Variants in GRID1 observed in about 807,000 individuals in gnomAD.
The protein encoded by GRID1 is glutamate ionotropic receptor delta type subunit 1.
GRID1 carries 28 observed loss-of-function variants against 98.0 expected under a neutral mutation model. The ratio of observed to expected loss-of-function variants is 0.29; its 90% CI spans 0.21 to 0.39. GRID1 has a LOEUF of 0.39. Ranked by LOEUF, GRID1 falls within the 10% of genes least tolerant of loss-of-function variation. The probability of loss-of-function intolerance (pLI) is 1.00; values close to 1 mark genes in which losing one functional copy is unlikely to be tolerated. For missense variants in GRID1, 1,111 were observed against 1,340.5 expected (o/e 0.83, Z 2.67); for synonymous variants, 553 against 538.5 (o/e 1.03, Z -0.37).
intron 4 of GRID1, among the ~76,000 whole-genome samples, chr10:85,946,149 G>T (rs934277632): frequency 3.9e-5 from 6 of 152,116 alleles, no homozygotes; most frequent in African/African-American, 1.4e-4. Flanking sequence ...TAAGCACTTT[G>T]CCAAAAGATC....
At chr10:86,050,605 A>G (rs1483342445) in intron 4 of GRID1, among the ~76,000 whole-genome samples, 1 of 152,216 alleles carries the variant, frequency 6.6e-6, no homozygotes, top group Non-Finnish European at 1.5e-5. Context: ...CCAGATAGCA[A>G]GATAAAATAC....
chr10:85,921,927 C>T (rs540268886), intron 4 of GRID1, among the ~76,000 whole-genome samples: 68 of 152,314 alleles, frequency 4.5e-4, no homozygotes, highest in African/African-American at 1.5e-3. Flanking sequence ...AACCCACACA[C>T]CTCATTTACT....
chr10:86,260,720 T>C (rs1847003090), intron 2 of GRID1, among the ~76,000 whole-genome samples: 1 of 152,084 alleles, frequency 6.6e-6, no homozygotes, highest in Non-Finnish European at 1.5e-5. Flanking sequence ...TGAGCCTGAT[T>C]GGGAATGAGA....
At chr10:85,947,700 G>T (rs1339079855) in intron 4 of GRID1, among the ~76,000 whole-genome samples, 1 of 152,202 alleles carries the variant, frequency 6.6e-6, no homozygotes, top group Non-Finnish European at 1.5e-5. Context: ...CACCAAATCT[G>T]CTGAGAAGAG....
At chr10:86,094,917 G>T (rs12355333) in intron 4 of GRID1, among the ~76,000 whole-genome samples, 21,702 of 151,876 alleles carry the variant, frequency 0.14, 1,653 homozygotes, top group Non-Finnish European at 0.17. Context: ...AACAAATCTG[G>T]AGGCATCACA....
At chr10:86,054,605 T>C (rs1445761163) in intron 4 of GRID1, among the ~76,000 whole-genome samples, 1 of 152,238 alleles carries the variant, frequency 6.6e-6, no homozygotes, top group African/African-American at 2.4e-5. Flanking sequence ...GGCCCCTGGC[T>C]GCATAAAGTG....
At chr10:86,353,123 C>T (rs1848484681) in intron 2 of GRID1, among the ~76,000 whole-genome samples, 1 of 152,152 alleles carries the variant, frequency 6.6e-6, no homozygotes, top group African/African-American at 2.4e-5. Flanking sequence ...CTGAGGATAC[C>T]ACAGGGAACA....
intron 2 of GRID1, among the ~76,000 whole-genome samples, chr10:86,224,668 C>T (rs538937873): frequency 6.6e-6 from 1 of 152,328 alleles, no homozygotes; most frequent in South Asian, 2.1e-4. Context: ...AGGAGACAGC[C>T]AGCTGCTATC....
At chr10:85,636,534 A>C (rs376518208) in intron 13 of GRID1, among the ~76,000 whole-genome samples, 2 of 152,230 alleles carry the variant, frequency 1.3e-5, no homozygotes, top group African/African-American at 4.8e-5. Context: ...CTCAGGAAAA[A>C]AAGATTGAAA....
chr10:85,934,239 T>C (rs1257088039), intron 4 of GRID1, among the ~76,000 whole-genome samples: 2 of 152,098 alleles, frequency 1.3e-5, no homozygotes, highest in African/African-American at 2.4e-5. Context: ...GTGAGAGGTT[T>C]GGGTAGACCT....
chr10:85,630,155 A>C (rs1423969060), intron 13 of GRID1, among the ~76,000 whole-genome samples: 1 of 152,202 alleles, frequency 6.6e-6, no homozygotes, highest in Admixed American at 6.5e-5. Context: ...TTGATTTTTT[A>C]ACTTCCTTTA....
intron 2 of GRID1, among the ~76,000 whole-genome samples, chr10:86,319,048 C>T (rs1176905916): frequency 2.0e-5 from 3 of 152,064 alleles, no homozygotes; most frequent in South Asian, 2.1e-4. Flanking sequence ...CCAGAAAGGG[C>T]GTTCAGGGTG....
intron 8 of GRID1, among the ~76,000 whole-genome samples, chr10:85,759,814 A>C (rs1290738161): frequency 6.6e-6 from 1 of 152,250 alleles, no homozygotes; most frequent in Non-Finnish European, 1.5e-5. Flanking sequence ...TTAAGTCCCC[A>C]GGCTTGATAC....
At chr10:86,076,889 C>G (rs1181474183) in intron 4 of GRID1, among the ~76,000 whole-genome samples, 1 of 140,426 alleles carries the variant, frequency 7.1e-6, no homozygotes, top group East Asian at 2.0e-4. Context: ...GGCCTTCTCC[C>G]TGTGTCTGTC....
At chr10:86,025,300 G>A (rs1232131375) in intron 4 of GRID1, among the ~76,000 whole-genome samples, 1 of 152,204 alleles carries the variant, frequency 6.6e-6, no homozygotes, top group African/African-American at 2.4e-5. Flanking sequence ...AGTGGTTATG[G>A]TGGTTTGCTC....
chr10:86,013,918 G>A (rs1159888213), intron 4 of GRID1, among the ~76,000 whole-genome samples: 1 of 152,050 alleles, frequency 6.6e-6, no homozygotes, highest in Admixed American at 6.5e-5. Context: ...GTACTCTGCA[G>A]AAGAAAAAAC....
intron 4 of GRID1, among the ~76,000 whole-genome samples, chr10:86,009,751 T>C (rs1842904164): frequency 6.6e-6 from 1 of 152,360 alleles, no homozygotes; most frequent in African/African-American, 2.4e-5. Context: ...ACATGTTATG[T>C]GGAATTTTCC....
intron 12 of GRID1, among the ~76,000 whole-genome samples, chr10:85,680,472 T>G (rs1192490904): frequency 1.3e-5 from 2 of 152,142 alleles, no homozygotes; most frequent in Admixed American, 6.5e-5. Flanking sequence ...ACCTAAAAAA[T>G]AGCAGATGCT....
intron 4 of GRID1, among the ~76,000 whole-genome samples, chr10:86,109,971 CTTTTTT>C (rs56917207): frequency 2.5e-5 from 3 of 121,044 alleles, no homozygotes; most frequent in African/African-American, 3.1e-5. Flanking sequence ...CTCTGCCATT[CTTTTTT>C]TTTTTTTTTT....
Sources: allele counts gnomAD v4.1 joint callset (sites outside exome capture counted in the v4.1 genomes callset), GRCh38; gene constraint gnomAD v4.1.1; transcripts MANE v1.5; gene names NCBI Gene and HGNC (gene_info 2026-07-23, HGNC 2026-07-21).